The following MCCC2 variants were observed in gnomAD, a reference collection of about 807,000 sequenced individuals.
MCCC2 encodes methylcrotonyl-CoA carboxylase subunit 2.
A neutral mutation model predicts 77.2 loss-of-function variants in MCCC2; 52 were observed. The ratio of observed to expected loss-of-function variants is 0.67; its 90% CI spans 0.54 to 0.85. MCCC2 has a LOEUF of 0.85. Ranked by LOEUF, MCCC2 falls within the 40% of genes least tolerant of loss-of-function variation. The pLI is 0.00. For synonymous variants in MCCC2, 253 were observed against 248.4 expected (o/e 1.02, Z -0.18); for missense variants, 682 against 703.2 (o/e 0.97, Z 0.34).
rs553529977 is a variant in MCCC2 at position 71,657,287 on chromosome 5, G to A, written c.*427G>A. The A allele has an allele frequency of 4.0e-4, 91 of 225,970 alleles. No individual in the cohort carries two copies. The highest frequency in any genetic ancestry group is 1.9e-3 in the African/African-American group (82 of 42,798). The allele number at this position is 225,970 out of a possible 1,614,324, so 14.0% of individuals were successfully genotyped here. On this transcript the variant is annotated 3_prime_UTR_variant, in exon 17 of 17. Coordinates refer to ENST00000340941, the MANE Select transcript of MCCC2 (RefSeq NM_022132.5). ...TTTGAAAGGCATCTGTTACTTCAGT[G>A]GCATAAAGTGCCCTCACACTGCTGT...
At chr5:71,650,031 T>G (rs776155930) in intron 14 of MCCC2, 38 bp from the exon 15 acceptor site, 1 of 1,510,694 alleles carries the variant, frequency 6.6e-7, no homozygotes, top group East Asian at 2.3e-5. Context: ...ATGTTGTATA[T>G]TGACTTAATT....
chr5:71,601,266 A>G (rs1168829607), intron 4 of MCCC2, among the ~76,000 whole-genome samples: 1 of 152,212 alleles, frequency 6.6e-6, no homozygotes, highest in Admixed American at 6.5e-5. Flanking sequence ...TGGCAGAGCC[A>G]GAATTTCAGT....
intron 7 of MCCC2, among the ~76,000 whole-genome samples, chr5:71,629,764 CTATTAT>C (rs1746650287): frequency 7.4e-6 from 1 of 135,542 alleles, no homozygotes; most frequent in South Asian, 2.4e-4. Context: ...ATTATTATTA[CTATTAT>C]TATTTTAATT....
chr5:71,607,121 C>A (rs1475704288), intron 6 of MCCC2, among the ~76,000 whole-genome samples: 4 of 151,982 alleles, frequency 2.6e-5, no homozygotes, highest in African/African-American at 9.7e-5. Flanking sequence ...CCCTCTTTTT[C>A]TACTGATTGG....
chr5:71,648,274 G>A (rs1250500315), intron 13 of MCCC2, among the ~76,000 whole-genome samples: 1 of 152,172 alleles, frequency 6.6e-6, no homozygotes, highest in Non-Finnish European at 1.5e-5. Context: ...TGCCTTTGCT[G>A]GAGACTTGCG....
intron 1 of MCCC2, among the ~76,000 whole-genome samples, chr5:71,589,711 T>C (rs465073): frequency 0.45 from 68,431 of 152,066 alleles, 15,736 homozygotes; most frequent in South Asian, 0.55. Flanking sequence ...AGGAATTTTA[T>C]AGTGTACCCA....
intron 2 of MCCC2, among the ~76,000 whole-genome samples, chr5:71,593,640 G>A (rs1165322209): frequency 6.6e-6 from 1 of 151,128 alleles, no homozygotes; most frequent in African/African-American, 2.4e-5. Context: ...CTCTCATCTT[G>A]GCCTCCCAAA....
intron 6 of MCCC2, among the ~76,000 whole-genome samples, chr5:71,613,004 G>C (rs1561832258): frequency 1.3e-5 from 2 of 152,180 alleles, no homozygotes; most frequent in African/African-American, 4.8e-5. Flanking sequence ...GGTGGCTCCA[G>C]GTATTCCCCT....
intron 4 of MCCC2, among the ~76,000 whole-genome samples, chr5:71,601,620 G>A (rs1372112037): frequency 1.3e-5 from 2 of 152,188 alleles, no homozygotes; most frequent in Non-Finnish European, 2.9e-5. Context: ...ACTACCCTGT[G>A]CTGGGTGTTC....
intron 3 of MCCC2, 119 bp downstream of exon 3, chr5:71,596,483 G>A: frequency 2.2e-6 from 2 of 927,386 alleles, no homozygotes; most frequent in South Asian, 2.7e-5. Context: ...AGGAACATGT[G>A]TTTATTGAGA....
At position 71,635,158 on chromosome 5, in the gene MCCC2, T is replaced by C. The variant is rs1445349166; in HGVS notation, c.911T>C (p.Ile304Thr). ...TGATCTATATTTCTGCAGGTCACCATTGAACCTTCTGAAGAGCCTTTATTT... is the reference window on the plus strand; with the variant it reads ...TGATCTATATTTCTGCAGGTCACCACTGAACCTTCTGAAGAGCCTTTATTT... ...LNYQKKLDVT[I>T]EPSEEPLFPA... The change falls in exon 10 of 17, where the codon ATT (isoleucine) becomes ACT (threonine). Residue 304 changes from isoleucine to threonine, a missense_variant. Ile to Thr is a moderately conservative substitution (Grantham distance 89). Transcript: ENST00000340941. The C allele has an allele frequency of 4.3e-6, 7 of 1,614,048 alleles. No homozygotes were observed. The African/African-American group carries it at 5.3e-5, about 12-fold the overall frequency.
At chr5:71,604,130 C>G (rs780985851) in intron 5 of MCCC2, among the ~76,000 whole-genome samples, 1 of 152,114 alleles carries the variant, frequency 6.6e-6, no homozygotes, top group Non-Finnish European at 1.5e-5. Context: ...CTAACCATTT[C>G]GAGAAGAATT....
intron 1 of MCCC2, among the ~76,000 whole-genome samples, chr5:71,591,243 G>C (rs1744963059): frequency 6.6e-6 from 1 of 152,134 alleles, no homozygotes; most frequent in African/African-American, 2.4e-5. Context: ...ATGTATTAGT[G>C]GGCCAAGTCT....
intron 6 of MCCC2, among the ~76,000 whole-genome samples, chr5:71,618,843 T>A (rs1746269818): frequency 6.6e-6 from 1 of 152,216 alleles, no homozygotes; most frequent in African/African-American, 2.4e-5. Context: ...TTTCTTTAGG[T>A]CTCACATTAC....
chr5:71,611,868 A>G (rs1745961254), intron 6 of MCCC2, among the ~76,000 whole-genome samples: 2 of 150,412 alleles, frequency 1.3e-5, no homozygotes, highest in Admixed American at 1.3e-4. Context: ...GGCTCACTGC[A>G]AACTTTGCCT....
chr5:71,587,674 C>A, intron 1 of MCCC2, 120 bp downstream of exon 1: 1 of 1,340,886 alleles, frequency 7.5e-7, no homozygotes, highest in Non-Finnish European at 1.0e-6. Flanking sequence ...CTGTGACGCA[C>A]GTGAAGTTTG....
chr5:71,596,500 T>C lies in MCCC2; in HGVS notation c.281+136T>C, dbSNP rs752184902. On this transcript the variant is annotated intron_variant, in intron 3 of 16. Transcript: ENST00000340941. ...GAACATGTGTTTATTGAGAGCCTAC[T>C]ATGTGTCAAGCACTATGTGTTGACA... is the stretch of plus-strand genomic sequence containing the variant. 8.5e-6 allele frequency: 7 copies of C among 821,862 alleles called. No homozygotes were observed. In the Admixed American group the frequency reaches 1.2e-4, roughly 14 times the overall value. The allele number at this position is 821,862 out of a possible 1,614,324, so 50.9% of individuals were successfully genotyped here.
chr5:71,614,376 C>T (rs969374021), intron 6 of MCCC2, among the ~76,000 whole-genome samples: 2 of 152,034 alleles, frequency 1.3e-5, no homozygotes, highest in African/African-American at 4.8e-5. Flanking sequence ...CACGGTGGTC[C>T]ACACCTCTAA....
At chr5:71,596,463 C>A in intron 3 of MCCC2, 99 bp downstream of exon 3, 1 of 1,090,934 alleles carries the variant, frequency 9.2e-7, no homozygotes, top group Non-Finnish European at 1.4e-6. Flanking sequence ...TAGTTCTCAT[C>A]GTAAGATTCA....
Sources: gnomAD v4.1 joint callset for allele counts (sites outside exome capture counted in the v4.1 genomes callset) on GRCh38, gnomAD v4.1.1 for gene constraint, MANE v1.5 for transcripts, NCBI Gene and HGNC (gene_info 2026-07-23, HGNC 2026-07-21) for gene names.